PRR27: variants seen among roughly 807,000 people sequenced by gnomAD.
The protein encoded by PRR27 is proline rich 27, also known as proline-rich protein 27.
A neutral mutation model predicts 16.8 loss-of-function variants in PRR27; 12 were observed. The observed-to-expected ratio is 0.71, with a 90% CI of 0.46 to 1.16. PRR27 has a LOEUF of 1.16. Ranked by LOEUF, PRR27 falls within the 50% of genes most tolerant of loss-of-function variation. The pLI is 0.00. For missense variants in PRR27, 277 were observed against 273.3 expected, an observed-to-expected ratio of 1.01 and a Z score of -0.10; for synonymous variants, 100 against 98.4, an observed-to-expected ratio of 1.02 and a Z score of -0.10.
At position 70,158,552 on chromosome 4, in the gene PRR27, T is replaced by C; in HGVS notation, c.300T>C (p.Asn100=). Residue 100 remains asparagine, a synonymous_variant, in exon 3 of 5, where the codon AAT becomes AAC. Coordinates refer to ENST00000344526, the MANE Select transcript of PRR27 (RefSeq NM_214711.4). ...GTTTTCCCTTAGCTACTCAGTTGAA[T>C]GTTCCTCCTCTCCCTCCTAGGGGTT... ...IRGFPLATQL[N]VPPLPPRGFP... is the part of the protein sequence containing the mutation. 1 of 1,614,154 alleles carries C rather than the reference T, an allele frequency of 6.2e-7. No individual in the cohort carries two copies. The highest frequency in any genetic ancestry group is 8.5e-7 in the Non-Finnish European group (1 of 1,180,004).
chr4:70,161,535 T>C, intron 3 of PRR27, 51 bp from the exon 4 acceptor site: 1 of 1,233,900 alleles, frequency 8.1e-7, no homozygotes, highest in African/African-American at 1.5e-5. Flanking sequence ...TACTATGAAA[T>C]AAAGTACATT....
At chr4:70,156,401 T>C (rs750178572) in intron 2 of PRR27, among the ~76,000 whole-genome samples, 4 of 152,188 alleles carry the variant, frequency 2.6e-5, no homozygotes, top group Non-Finnish European at 2.9e-5. Flanking sequence ...CTAAGTTCAT[T>C]TGAACAAACT....
At position 70,158,743 on chromosome 4, in the gene PRR27, T is replaced by C. The variant is rs749292500; in HGVS notation, c.491T>C (p.Val164Ala). 4 of 1,578,480 alleles carry C rather than the reference T, an allele frequency of 2.5e-6. No individual in the cohort carries two copies. Among genetic ancestry groups the C allele is most frequent in the Non-Finnish European group, 3.5e-6 (4 of 1,153,106 alleles). ...GCTGAGCCTGCTGCAGAGGCACCTGTTGGAGCTGAGCCTGCTGCAGAGGCA... is the reference window on the plus strand; with the variant it reads ...GCTGAGCCTGCTGCAGAGGCACCTGCTGGAGCTGAGCCTGCTGCAGAGGCA... Reference protein sequence around the residue: ...VAAEPAAEAPVGAEPAAEAPV... With the variant: ...VAAEPAAEAPAGAEPAAEAPV... Residue 164 changes from valine to alanine, a missense_variant, in exon 3 of 5, where the codon GTT becomes GCT. Val to Ala is a moderately conservative substitution (Grantham distance 64). Transcript: ENST00000344526.
chr4:70,160,889 G>C (rs1018961036), intron 3 of PRR27, among the ~76,000 whole-genome samples: 2 of 151,900 alleles, frequency 1.3e-5, no homozygotes, highest in African/African-American at 2.4e-5. Flanking sequence ...AAAACAAATG[G>C]AAGTTTAAAT....
At position 70,156,167 on chromosome 4, in the gene PRR27, G is replaced by A. The variant is rs575734322; in HGVS notation, c.75+90G>A. 140 of 628,166 alleles carry A rather than the reference G, an allele frequency of 2.2e-4. 2 individuals are homozygous for A. In the East Asian group the frequency reaches 4.0e-3, roughly 18 times the overall value. 38.9% of individuals were successfully genotyped at this position (628,166 alleles called of 1,614,324 possible). On this transcript the variant is annotated intron_variant, in intron 2 of 4. Transcript: ENST00000344526. Reference sequence around the variant, plus strand: ...TAAAACTCTCTGATTTCTTTACAGTGAAACTTAATGACTGCTATTGCTCTT... The same window carrying A: ...TAAAACTCTCTGATTTCTTTACAGTAAAACTTAATGACTGCTATTGCTCTT...
At chr4:70,161,703 T>G in intron 4 of PRR27, 73 bp downstream of exon 4, 1 of 655,170 alleles carries the variant, frequency 1.5e-6, no homozygotes, top group Non-Finnish European at 2.5e-6. Context: ...GAAGCTACCT[T>G]GGAATGTATT....
chr4:70,158,635 C>T lies in PRR27; in HGVS notation c.383C>T (p.Pro128Leu). Reference sequence around the variant, plus strand: ...GCAGCTGCAGCACCCGCTGCCCCACCTATTGCAGCTGAGCCTGCTGCAGCT... The same window carrying T: ...GCAGCTGCAGCACCCGCTGCCCCACTTATTGCAGCTGAGCCTGCTGCAGCT... ...FSAAAAPAAPPIAAEPAAAAP... is the reference protein window; with the variant it reads ...FSAAAAPAAPLIAAEPAAAAP... Residue 128 changes from proline to leucine, a missense_variant, in exon 3 of 5, where the codon CCT becomes CTT. Pro to Leu is a moderately conservative substitution (Grantham distance 98, BLOSUM62 -3). Transcript: ENST00000344526. 11 of 1,614,148 alleles carry T rather than the reference C, an allele frequency of 6.8e-6. No homozygotes were observed. The highest frequency in any genetic ancestry group is 9.3e-6 in the Non-Finnish European group (11 of 1,180,022).
intron 3 of PRR27, among the ~76,000 whole-genome samples, chr4:70,159,608 G>A (rs1728590720): frequency 6.6e-6 from 1 of 152,080 alleles, no homozygotes; most frequent in African/African-American, 2.4e-5. Flanking sequence ...CTGAGGCCAT[G>A]TATACATTGT....
Position 70,161,995 on chromosome 4 carries a change from C to T in PRR27, c.*33+365C>T, listed in dbSNP as rs534800608. Among the ~76,000 whole-genome samples, 106 of 152,276 alleles carry T rather than the reference C, an allele frequency of 7.0e-4. 1 individual carries two copies. Among genetic ancestry groups the T allele is most frequent in the African/African-American group, 2.3e-3 (97 of 41,560 alleles). On this transcript the variant is annotated intron_variant, in intron 4 of 4. Coordinates refer to ENST00000344526, the MANE Select transcript of PRR27 (RefSeq NM_214711.4). ...AAGTTCTTACAGATTATTCTGTATG[C>T]TATCCCTTCAGCCACCATCCTACCC... is the stretch of plus-strand genomic sequence containing the variant.
rs868588495 is a variant in PRR27, at chr4:70,157,680, A to C, written c.76-648A>C. On this transcript the variant is annotated intron_variant, in intron 2 of 4. Coordinates refer to ENST00000344526, the MANE Select transcript of PRR27 (RefSeq NM_214711.4). ...ACTACAGGCGCCCGCCACCACGCCC[A>C]GCCAATTTTTTTGTATTTTTAGCAG... Among the ~76,000 whole-genome samples, 7 of 151,878 alleles carry C rather than the reference A, an allele frequency of 4.6e-5. No homozygotes were observed. In the South Asian group the frequency reaches 1.5e-3, roughly 32 times the overall value.
intron 1 of PRR27, among the ~76,000 whole-genome samples, chr4:70,155,650 A>T (rs923480307): frequency 6.6e-6 from 1 of 152,072 alleles, no homozygotes. Flanking sequence ...TACAGGCGTG[A>T]GCCATTGCGC....
chr4:70,162,258 G>T (rs542804021), intron 4 of PRR27, among the ~76,000 whole-genome samples: 9 of 152,266 alleles, frequency 5.9e-5, no homozygotes, highest in Non-Finnish European at 1.2e-4. Flanking sequence ...ACAAGGCTTT[G>T]ACTGTCAGCC....
At position 70,165,774 on chromosome 4, in the gene PRR27, A is replaced by C. The variant is rs1385769997; in HGVS notation, c.*3113A>C. The C allele has an allele frequency of 6.6e-6, 1 of 152,116 alleles. No individual in the cohort carries two copies. 9.4% of individuals were successfully genotyped at this position (152,116 alleles called of 1,614,324 possible). A position where few individuals can be genotyped will look rare whatever the true frequency, so the allele number is the denominator to read the frequency against. ...TGCTTACAGAAGGTGACTGATTCTT[A>C]TTCAGTGCTACTTTCTACAGACAGG... On this transcript the variant is annotated 3_prime_UTR_variant, in exon 5 of 5. Coordinates refer to ENST00000344526, the MANE Select transcript of PRR27 (RefSeq NM_214711.4).
Position 70,161,179 on chromosome 4 carries a change from T to TATATATAC in PRR27, c.649-406_649-405insTATATACA, listed in dbSNP as rs527588905. ...CTGTATATATATATATATATATATA[T>TATATATAC]ACACACATACATATATATACACGTA... On this transcript the variant is annotated intron_variant, in intron 3 of 4. Coordinates refer to ENST00000344526, the MANE Select transcript of PRR27 (RefSeq NM_214711.4). 9.3e-3 allele frequency among the ~76,000 whole-genome samples: 1,005 copies of TATATATAC among 107,646 alleles called. 20 individuals are homozygous for TATATATAC. Among genetic ancestry groups the TATATATAC allele is most frequent in the African/African-American group, 0.022 (626 of 28,974 alleles). The allele number at this position is 107,646 out of a possible 152,430, so 70.6% of individuals were successfully genotyped here.
In PRR27 at chr4:70,158,453, C is replaced by T. The variant is rs768111718; in HGVS notation, c.201C>T (p.Tyr67=). 2.5e-6 allele frequency: 4 copies of T among 1,614,018 alleles called. No homozygotes were observed. The highest frequency in any genetic ancestry group is 3.4e-6 in the Non-Finnish European group (4 of 1,179,918). The part of the protein sequence containing the change: ...NTVPSYPGNT[Y]TDTGLPSYPW... ...TCCCCAGTTACCCTGGGAATACTTA[C>T]ACTGACACAGGGTTACCTTCGTATC... Residue 67 remains tyrosine (Y), a synonymous_variant, in exon 3 of 5, where the codon TAC becomes TAT. Transcript: ENST00000344526.
At chr4:70,155,129 A>T (rs1338388917) in intron 1 of PRR27, among the ~76,000 whole-genome samples, 1 of 152,204 alleles carries the variant, frequency 6.6e-6, no homozygotes, top group Non-Finnish European at 1.5e-5. Flanking sequence ...TGATGTTATT[A>T]TCATCCTGTC....
intron 4 of PRR27, among the ~76,000 whole-genome samples, chr4:70,162,041 T>C (rs969780929): frequency 6.6e-6 from 1 of 152,190 alleles, no homozygotes; most frequent in Non-Finnish European, 1.5e-5. Context: ...ACTACTGTTT[T>C]AGAAAACAAA....
At chr4:70,155,264 T>C (rs1366804560) in intron 1 of PRR27, among the ~76,000 whole-genome samples, 4 of 152,186 alleles carry the variant, frequency 2.6e-5, no homozygotes, top group Admixed American at 2.6e-4. Flanking sequence ...CTGTGGTCAA[T>C]TCACAAACCA....
rs2109797188 is a variant in PRR27, at chr4:70,165,377, A to G, written c.*2716A>G. The G allele has an allele frequency of 6.6e-6, 1 of 152,222 alleles. No homozygotes were observed. The highest frequency in any genetic ancestry group is 2.1e-4 in the South Asian group (1 of 4,830). 9.4% of individuals were successfully genotyped at this position (152,222 alleles called of 1,614,324 possible). ...TCCAAAAGAAAACATACATGTAACC[A>G]CCACCATCTGGAAATTTCACACTAA... is the stretch of plus-strand genomic sequence containing the variant. On this transcript the variant is annotated 3_prime_UTR_variant, in exon 5 of 5. Coordinates refer to ENST00000344526, the MANE Select transcript of PRR27 (RefSeq NM_214711.4).
Sources: gnomAD v4.1 joint callset for allele counts (sites outside exome capture counted in the v4.1 genomes callset) on GRCh38, gnomAD v4.1.1 for gene constraint, MANE v1.5 for transcripts, NCBI Gene and HGNC (gene_info 2026-07-23, HGNC 2026-07-21) for gene names.